CTAGE1: variants seen among roughly 807,000 people sequenced by gnomAD.
CTAGE1 encodes the protein cTAGE family member 2.
For synonymous variants in CTAGE1, 332 were observed against 302.8 expected, an observed-to-expected ratio of 1.10 and a Z score of -1.00; for missense variants, 963 against 855.9, an observed-to-expected ratio of 1.13 and a Z score of -1.56.
At position 22,415,155 on chromosome 18, in the gene CTAGE1, C is replaced by A. The variant is rs185573546; in HGVS notation, c.*419G>T. ...ACTTATTTAAGCATAAAGTTACTTT[C>A]ACATTTGTCTACAACCACAGTAAAT... On this transcript the variant is annotated 3_prime_UTR_variant, in exon 1 of 1. Coordinates refer to ENST00000391403, the MANE Select transcript of CTAGE1 (RefSeq NM_172241.3). The A allele has an allele frequency of 2.0e-4, 43 of 217,032 alleles. No individual in the cohort carries two copies. The highest frequency in any genetic ancestry group is 3.4e-3 in the Middle Eastern group (2 of 584). The allele number at this position is 217,032 out of a possible 1,614,324, so 13.4% of individuals were successfully genotyped here. A position where few individuals can be genotyped will look rare whatever the true frequency, so the allele number is the denominator to read the frequency against.
In CTAGE1 at chr18:22,415,993, C is replaced by T. The variant is rs752282084; in HGVS notation, c.1819G>A (p.Ala607Thr). 3 of 1,613,944 alleles carry T rather than the reference C, an allele frequency of 1.9e-6. No homozygotes were observed. The highest frequency in any genetic ancestry group is 2.5e-6 in the Non-Finnish European group (3 of 1,179,874). Residue 607 changes from alanine to threonine, a missense_variant, in exon 1 of 1, where the codon GCA (alanine) becomes ACA (threonine). By Grantham distance (58) the Ala-to-Thr change is moderately conservative (BLOSUM62 0). Coordinates refer to ENST00000391403, the MANE Select transcript of CTAGE1 (RefSeq NM_172241.3). Reference protein sequence around the residue: ...YSNCARLSGPAELRSFNMPSL... With the variant: ...YSNCARLSGPTELRSFNMPSL... Reference sequence around the variant, plus strand: ...GGCATATTAAAACTTCTGAGTTCTGCTGGTCCAGAGAGTCTAGCACAATTA... The same window carrying T: ...GGCATATTAAAACTTCTGAGTTCTGTTGGTCCAGAGAGTCTAGCACAATTA...
chr18:22,414,598 C>T lies in CTAGE1; in HGVS notation c.*976G>A, dbSNP rs968142532. 1.5e-6 allele frequency: 1 copy of T among 682,212 alleles called. No individual in the cohort carries two copies. Among genetic ancestry groups the T allele is most frequent in the African/African-American group, 1.8e-5 (1 of 56,164 alleles). 42.3% of individuals were successfully genotyped at this position (682,212 alleles called of 1,614,324 possible). On this transcript the variant is annotated 3_prime_UTR_variant, in exon 1 of 1. Coordinates refer to ENST00000391403, the MANE Select transcript of CTAGE1 (RefSeq NM_172241.3). ...AGAATTCCAGAGAAGAGAGCTCAAT[C>T]AGAGATCAAATTCACCAACTGCAAT...
chr18:22,415,909 T>A lies in CTAGE1; in HGVS notation c.1903A>T (p.Thr635Ser). 6.2e-7 allele frequency: 1 copy of A among 1,613,962 alleles called. No homozygotes were observed. The highest frequency in any genetic ancestry group is 8.5e-7 in the Non-Finnish European group (1 of 1,179,858). The change falls in exon 1 of 1, where the codon ACC becomes TCC. Residue 635 changes from threonine to serine, a missense_variant. By Grantham distance (58) the Thr-to-Ser change is moderately conservative. Transcript: ENST00000391403. ...TTTAAATTACCAAGATTATCTTTGG[T>A]ATCATTTCTACTGGATTCCATTTCT... ...PSEMESSRND[T>S]KDNLGNLKVP... is the part of the protein sequence containing the mutation.
rs77307253 is a variant in CTAGE1, at chr18:22,415,112, T to C, written c.*462A>G. ...TATTTCTTTTTTTAAATTTTTTAAA[T>C]TTTTTTAATCAACTAAAACTTATTT... On this transcript the variant is annotated 3_prime_UTR_variant, in exon 1 of 1. Transcript: ENST00000391403. 2,465 of 237,998 alleles carry C rather than the reference T, an allele frequency of 0.01. 59 individuals carry two copies. Among genetic ancestry groups the C allele is most frequent in the African/African-American group, 0.052 (2,315 of 44,814 alleles). 14.7% of individuals were successfully genotyped at this position (237,998 alleles called of 1,614,324 possible).
At position 22,417,599 on chromosome 18, in the gene CTAGE1, T is replaced by C; in HGVS notation, c.213A>G (p.Lys71=). 1.2e-6 allele frequency: 2 copies of C among 1,614,018 alleles called. No individual in the cohort carries two copies. Among genetic ancestry groups the C allele is most frequent in the Non-Finnish European group, 1.7e-6 (2 of 1,179,866 alleles). The stretch of plus-strand genomic sequence containing the variant: ...ACTCTACTTCATAGCCTTCATACTC[T>C]TTTTGAACAAGGCTAAATTTTTCAA... ...KLLEKFSLVQ[K]EYEGYEVESS... is the part of the protein sequence containing the mutation. The change falls in exon 1 of 1, where the codon AAA becomes AAG. Residue 71 remains lysine (K), a synonymous_variant. Coordinates refer to ENST00000391403, the MANE Select transcript of CTAGE1 (RefSeq NM_172241.3).
At position 22,417,018 on chromosome 18, in the gene CTAGE1, A is replaced by G. The variant is rs1467269440; in HGVS notation, c.794T>C (p.Met265Thr). 1 of 1,614,016 alleles carries G rather than the reference A, an allele frequency of 6.2e-7. No homozygotes were observed. Among genetic ancestry groups the G allele is most frequent in the South Asian group, 1.1e-5 (1 of 91,076 alleles). ...AGCACCATCTTCCGATTCACTGTTC[A>G]TTTCTAATTCCAAGTTATCATCATC... Reference protein sequence around the residue: ...VTDDDNLELEMNSESEDGAYL... With the variant: ...VTDDDNLELETNSESEDGAYL... Residue 265 changes from methionine to threonine, a missense_variant, in exon 1 of 1, where the codon ATG (methionine) becomes ACG (threonine). Met to Thr is a moderately conservative substitution (Grantham distance 81). Transcript: ENST00000391403.
In CTAGE1 at chr18:22,417,183, A is replaced by G. The variant is rs1314887065; in HGVS notation, c.629T>C (p.Ile210Thr). ...GTCTTCAAATGTTCTTTTCTGTTTA[A>G]TAAGTTCACTCACTTGTTCTTTCCA... ...EVWKEQVSELIKQKRTFEDSK... is the reference protein window; with the variant it reads ...EVWKEQVSELTKQKRTFEDSK... Residue 210 changes from isoleucine to threonine, a missense_variant, in exon 1 of 1, where the codon ATT becomes ACT. Transcript: ENST00000391403. The G allele has an allele frequency of 7.4e-6, 12 of 1,613,884 alleles. No individual in the cohort carries two copies. Among genetic ancestry groups the G allele is most frequent in the Admixed American group, 5.0e-5 (3 of 60,008 alleles).
rs1454857592 is a variant in CTAGE1, at chr18:22,417,804, G to T, written c.8C>A (p.Pro3His). ...TGGAAAACCATAAGGATGAGAATCG[G>T]GTCTCATACCTTCAGTCAGTGCTGC... is the stretch of plus-strand genomic sequence containing the variant. MR[P>H]DSHPYGFPWE... The change falls in exon 1 of 1, where the codon CCC becomes CAC. Residue 3 changes from proline to histidine, a missense_variant. By Grantham distance (77) the Pro-to-His change is moderately conservative. Transcript: ENST00000391403. The T allele has an allele frequency of 1.2e-6, 2 of 1,614,128 alleles. No homozygotes were observed. Among genetic ancestry groups the T allele is most frequent in the African/African-American group, 2.7e-5 (2 of 75,050 alleles).
rs1487998231 is a variant in CTAGE1, at chr18:22,414,696, T to C, written c.*878A>G. 2 of 702,984 alleles carry C rather than the reference T, an allele frequency of 2.8e-6. No individual in the cohort carries two copies. The highest frequency in any genetic ancestry group is 3.0e-5 in the South Asian group (2 of 67,596). 43.5% of individuals were successfully genotyped at this position (702,984 alleles called of 1,614,324 possible). On this transcript the variant is annotated 3_prime_UTR_variant, in exon 1 of 1. Coordinates refer to ENST00000391403, the MANE Select transcript of CTAGE1 (RefSeq NM_172241.3). ...AAGCAGAACATAAAACTAAAACTAT[T>C]AGAACACCAACAGAGGTAAAGGTTG...
chr18:22,417,566 T>G lies in CTAGE1; in HGVS notation c.246A>C (p.Leu82Phe), dbSNP rs1482644005. Reference sequence around the variant, plus strand: ...CCTCCTTCTCAAAGCTGGCATTCTTTAAAGATGACTCTACTTCATAGCCTT... The same window carrying G: ...CCTCCTTCTCAAAGCTGGCATTCTTGAAAGATGACTCTACTTCATAGCCTT... ...EYEGYEVESS[L>F]KNASFEKEAT... is the part of the protein sequence containing the mutation. The change falls in exon 1 of 1, where the codon TTA becomes TTC. Residue 82 changes from leucine (L) to phenylalanine (F), a missense_variant. Transcript: ENST00000391403. The G allele has an allele frequency of 1.2e-6, 2 of 1,614,040 alleles. No homozygotes were observed. The highest frequency in any genetic ancestry group is 1.7e-5 in the Admixed American group (1 of 60,016).
Position 22,417,451 on chromosome 18 carries a change from C to G in CTAGE1, c.361G>C (p.Glu121Gln), listed in dbSNP as rs572409609. ...TGTTTAGATTTCTCTTCTTTTAACT[C>G]TTTTTCTAGACAGAGTATTTCATGC... ...LVHEILCLEK[E>Q]LKEEKSKHSE... is the part of the protein sequence containing the mutation. Residue 121 changes from glutamate (E) to glutamine (Q), a missense_variant, in exon 1 of 1, where the codon GAG (glutamate) becomes CAG (glutamine). By Grantham distance (29) the Glu-to-Gln change is conservative. Transcript: ENST00000391403. 1.2e-4 allele frequency: 201 copies of G among 1,613,968 alleles called. No homozygotes were observed. The South Asian group carries it at 2.1e-3, about 17-fold the overall frequency.
At position 22,416,592 on chromosome 18, in the gene CTAGE1, T is replaced by A; in HGVS notation, c.1220A>T (p.Asp407Val). ...ELETYRKRAKDLKEFEKTIHF... is the reference protein window; with the variant it reads ...ELETYRKRAKVLKEFEKTIHF... ...AATAGTTTTCTCAAATTCTTTAAGATCTTTGGCTCGCTTTCGGTAGGTCTC... is the reference window on the plus strand; with the variant it reads ...AATAGTTTTCTCAAATTCTTTAAGAACTTTGGCTCGCTTTCGGTAGGTCTC... The change falls in exon 1 of 1, where the codon GAT (aspartate) becomes GTT (valine). Residue 407 changes from aspartate to valine, a missense_variant. Asp to Val is a radical substitution (Grantham distance 152). Transcript: ENST00000391403. 3 of 1,610,726 alleles carry A rather than the reference T, an allele frequency of 1.9e-6. No individual in the cohort carries two copies. The highest frequency in any genetic ancestry group is 2.2e-5 in the South Asian group (2 of 89,554).
In CTAGE1 at chr18:22,417,355, G is replaced by A. The variant is rs370800391; in HGVS notation, c.457C>T (p.Leu153Phe). 8.7e-6 allele frequency: 14 copies of A among 1,613,746 alleles called. No individual in the cohort carries two copies. The African/African-American group carries it at 1.7e-4, about 20-fold the overall frequency. Residue 153 changes from leucine (L) to phenylalanine (F), a missense_variant, in exon 1 of 1, where the codon CTC (leucine) becomes TTC (phenylalanine). Transcript: ENST00000391403. ...TTGGCTTCAGCTACTTGTGATTTGA[G>A]GGATTTTGACTCATCTTCTAGCGAC... ...IQSLEDESKS[L>F]KSQVAEAKMT...
chr18:22,417,532 C>T lies in CTAGE1; in HGVS notation c.280G>A (p.Ala94Thr). Reference protein sequence around the residue: ...NASFEKEATEAQSLEATCEKL... With the variant: ...NASFEKEATETQSLEATCEKL... ...TCGCAGGTTGCCTCCAAACTTTGTGCTTCTGTTGCCTCCTTCTCAAAGCTG... is the reference window on the plus strand; with the variant it reads ...TCGCAGGTTGCCTCCAAACTTTGTGTTTCTGTTGCCTCCTTCTCAAAGCTG... Residue 94 changes from alanine to threonine, a missense_variant, in exon 1 of 1, where the codon GCA becomes ACA. By Grantham distance (58) the Ala-to-Thr change is moderately conservative (BLOSUM62 0). Transcript: ENST00000391403. The T allele has an allele frequency of 6.2e-7, 1 of 1,613,990 alleles. No homozygotes were observed. The highest frequency in any genetic ancestry group is 8.5e-7 in the Non-Finnish European group (1 of 1,179,862).
chr18:22,416,006 T>C lies in CTAGE1; in HGVS notation c.1806A>G (p.Arg602=), dbSNP rs781688884. ...TTCTGAGTTCTGCTGGTCCAGAGAG[T>C]CTAGCACAATTAGAATAAAATCTGT... The part of the protein sequence containing the change: ...RQDRFYSNCA[R]LSGPAELRSF... The change falls in exon 1 of 1, where the codon AGA becomes AGG. Residue 602 remains arginine (R), a synonymous_variant. Transcript: ENST00000391403. 5.6e-6 allele frequency: 9 copies of C among 1,613,804 alleles called. No homozygotes were observed. Among genetic ancestry groups the C allele is most frequent in the Middle Eastern group, 1.7e-4 (1 of 6,020 alleles).
rs1254583392 is a variant in CTAGE1 at position 22,414,007 on chromosome 18, A to G, written c.*1567T>C. The G allele has an allele frequency of 6.6e-6, 1 of 152,360 alleles. No individual in the cohort carries two copies. Among genetic ancestry groups the G allele is most frequent in the East Asian group, 1.9e-4 (1 of 5,180 alleles). 9.4% of individuals were successfully genotyped at this position (152,360 alleles called of 1,614,324 possible). On this transcript the variant is annotated 3_prime_UTR_variant, in exon 1 of 1. Transcript: ENST00000391403. ...TATGATACATAGACAGAAATCCAGA[A>G]AAATCTCCTTAATCTTGCAATTCCC... is the stretch of plus-strand genomic sequence containing the variant.
Position 22,415,805 on chromosome 18 carries a change from T to G in CTAGE1, c.2007A>C (p.Arg669Ser), listed in dbSNP as rs762214213. The G allele has an allele frequency of 4.0e-5, 64 of 1,613,754 alleles. No homozygotes were observed. Among genetic ancestry groups the G allele is most frequent in the Middle Eastern group, 3.3e-4 (2 of 6,078 alleles). Residue 669 changes from arginine to serine, a missense_variant, in exon 1 of 1, where the codon AGA becomes AGC. Coordinates refer to ENST00000391403, the MANE Select transcript of CTAGE1 (RefSeq NM_172241.3). ...GFVPPPLAPIRGLLFPVDTRG... is the reference protein window; with the variant it reads ...GFVPPPLAPISGLLFPVDTRG... Reference sequence around the variant, plus strand: ...TTGTATCTACTGGAAACAATAAACCTCTGATTGGAGCAAGAGGTGGAGGAA... The same window carrying G: ...TTGTATCTACTGGAAACAATAAACCGCTGATTGGAGCAAGAGGTGGAGGAA...
In CTAGE1 at chr18:22,414,717, G is replaced by T. The variant is rs906968302; in HGVS notation, c.*857C>A. ...CTATTAGAACACCAACAGAGGTAAA[G>T]GTTGGGAAAGAAGTCAGGAGAAACT... is the stretch of plus-strand genomic sequence containing the variant. On this transcript the variant is annotated 3_prime_UTR_variant, in exon 1 of 1. Coordinates refer to ENST00000391403, the MANE Select transcript of CTAGE1 (RefSeq NM_172241.3). 6 of 702,866 alleles carry T rather than the reference G, an allele frequency of 8.5e-6. No homozygotes were observed. The highest frequency in any genetic ancestry group is 1.7e-5 in the African/African-American group (1 of 57,242). 43.5% of individuals were successfully genotyped at this position (702,866 alleles called of 1,614,324 possible). A position where few individuals can be genotyped will look rare whatever the true frequency, so the allele number is the denominator to read the frequency against.
chr18:22,413,973 T>C lies in CTAGE1; in HGVS notation c.*1601A>G, dbSNP rs2034979352. 6.6e-6 allele frequency: 1 copy of C among 151,848 alleles called. No homozygotes were observed. The highest frequency in any genetic ancestry group is 2.1e-4 in the South Asian group (1 of 4,804). 9.4% of individuals were successfully genotyped at this position (151,848 alleles called of 1,614,324 possible). On this transcript the variant is annotated 3_prime_UTR_variant, in exon 1 of 1. Transcript: ENST00000391403. ...CAATATAAAATTCCTCTAGAAAGAG[T>C]TCTGTGGATATGATACATAGACAGA...
Sources: gnomAD v4.1 joint callset for allele counts on GRCh38, gnomAD v4.1.1 for gene constraint, MANE v1.5 for transcripts, NCBI Gene and HGNC (gene_info 2026-07-23, HGNC 2026-07-21) for gene names.